RABGEF1: variants seen among roughly 807,000 people sequenced by gnomAD.
RABGEF1 encodes rab5 GDP/GTP exchange factor.
Under a neutral mutation model 57.3 loss-of-function variants are expected in RABGEF1, and 26 were observed. The observed-to-expected ratio is 0.45, with a 90% confidence interval of 0.33 to 0.63. The LOEUF is 0.63. Among genes scored for constraint, RABGEF1 ranks in the 20% least tolerant of loss-of-function variants. RABGEF1 has a pLI of 0.02. For synonymous variants in RABGEF1, 185 were observed against 210.7 expected (o/e 0.88, Z 1.06); for missense variants, 464 against 607.6 (o/e 0.76, Z 2.48).
intron 2 of RABGEF1, among the ~76,000 whole-genome samples, chr7:66,713,375 G>A (rs543788311): frequency 6.6e-6 from 1 of 151,748 alleles, no homozygotes; most frequent in South Asian, 2.1e-4. Context: ...TGATCGGCCC[G>A]CCTTGGCCCT....
At chr7:66,716,065 A>G (rs1302483650) in intron 2 of RABGEF1, among the ~76,000 whole-genome samples, 3 of 151,926 alleles carry the variant, frequency 2.0e-5, no homozygotes, top group East Asian at 1.9e-4. Context: ...GAGTTTGTCT[A>G]TTTCTCCTCA....
intron 1 of RABGEF1, among the ~76,000 whole-genome samples, chr7:66,757,881 G>C (rs941563948): frequency 6.6e-6 from 1 of 152,198 alleles, no homozygotes; most frequent in East Asian, 1.9e-4. Flanking sequence ...AAAGTGCTGG[G>C]ATTACAGGCG....
At chr7:66,714,382 C>G (rs954462048) in intron 2 of RABGEF1, among the ~76,000 whole-genome samples, 3 of 152,170 alleles carry the variant, frequency 2.0e-5, no homozygotes, top group African/African-American at 7.2e-5. Context: ...TATTATCCTT[C>G]TAACATTTGT....
intron 1 of RABGEF1, among the ~76,000 whole-genome samples, chr7:66,741,244 C>T (rs1483351543): frequency 2.0e-5 from 3 of 152,198 alleles, no homozygotes; most frequent in Non-Finnish European, 4.4e-5. Context: ...CGGACCCAGA[C>T]CACAGCCCCC....
chr7:66,671,613 G>A, the RABGEF1 span, among the ~76,000 whole-genome samples: 346 of 152,234 alleles, frequency 2.3e-3, no homozygotes, highest in Admixed American at 3.4e-3. Flanking sequence ...AAAAACCTCT[G>A]TTGTTCCTGT....
intron 1 of RABGEF1, among the ~76,000 whole-genome samples, chr7:66,707,037 G>A (rs62466142): frequency 0.037 from 5,571 of 151,676 alleles, 158 homozygotes; most frequent in East Asian, 0.084. Context: ...CACCCGCCTC[G>A]GCCTCCCAAA....
intron 1 of RABGEF1, among the ~76,000 whole-genome samples, chr7:66,751,271 T>G (rs745950257): frequency 2.4e-4 from 36 of 152,256 alleles, no homozygotes; most frequent in Non-Finnish European, 4.0e-4. Flanking sequence ...CCTCAGGTGA[T>G]CCGCCTGCCT....
At chr7:66,736,913 T>C (rs1177108664), upstream of RABGEF1, among the ~76,000 whole-genome samples, 2 of 152,178 alleles carry the variant, frequency 1.3e-5, no homozygotes, top group East Asian at 1.9e-4. Flanking sequence ...TATACACACA[T>C]GCACAGACAC....
upstream of RABGEF1, among the ~76,000 whole-genome samples, chr7:66,680,508 T>G (rs2116995389): frequency 6.6e-6 from 1 of 152,244 alleles, no homozygotes; most frequent in African/African-American, 2.4e-5. Flanking sequence ...CCTCCCAAAG[T>G]GCTGGGATTA....
At chr7:66,806,059 T>G (rs1788377642) in intron 8 of RABGEF1, among the ~76,000 whole-genome samples, 1 of 152,108 alleles carries the variant, frequency 6.6e-6, no homozygotes, top group Non-Finnish European at 1.5e-5. Context: ...TTCTTCCTTT[T>G]TCTTCCTACT....
chr7:66,660,354 A>C, the RABGEF1 span, among the ~76,000 whole-genome samples: 1 of 152,012 alleles, frequency 6.6e-6, no homozygotes. Flanking sequence ...TCTCAAAAAA[A>C]AAAAAAAGAA....
intron 2 of RABGEF1, among the ~76,000 whole-genome samples, chr7:66,713,886 T>C (rs1795059892): frequency 6.6e-6 from 1 of 152,232 alleles, no homozygotes; most frequent in African/African-American, 2.4e-5. Context: ...TGATTTCAGA[T>C]ATTGAACCAG....
In RABGEF1 at chr7:66,783,675, A is replaced by C. The variant is rs757585407; in HGVS notation, c.347A>C (p.Glu116Ala). The change falls in exon 4 of 9, where the codon GAA becomes GCA. Residue 116 changes from glutamate to alanine, a missense_variant and splice_region_variant. Around this residue, in one of 4 missense-constraint regions of RABGEF1, gnomAD observed 284 missense variants for 389.9 expected, o/e 0.73. Coordinates refer to ENST00000284957, the MANE Select transcript of RABGEF1 (RefSeq NM_014504.3). ...TTACTATGTTTAATTTTCCCAGCAG[A>C]AATTCAGGAAGCAAAAGCTCCCAGT... ...SASSRVGSKK[E>A]IQEAKAPSPS... 3.1e-6 allele frequency: 5 copies of C among 1,595,518 alleles called. No individual in the cohort carries two copies. The highest frequency in any genetic ancestry group is 4.3e-6 in the Non-Finnish European group (5 of 1,171,034).
chr7:66,708,650 A>G (rs1418549679), intron 1 of RABGEF1, among the ~76,000 whole-genome samples: 1 of 152,174 alleles, frequency 6.6e-6, no homozygotes, highest in African/African-American at 2.4e-5. Context: ...CAAAAATAAA[A>G]TAATTTTAAA....
intron 8 of RABGEF1, among the ~76,000 whole-genome samples, chr7:66,805,713 A>C (rs1344772491): frequency 6.6e-6 from 1 of 152,142 alleles, no homozygotes; most frequent in African/African-American, 2.4e-5. Flanking sequence ...ATTATGTATA[A>C]GTTAATAAGG....
chr7:66,673,361 C>A, the RABGEF1 span, among the ~76,000 whole-genome samples: 1 of 151,974 alleles, frequency 6.6e-6, no homozygotes, highest in Non-Finnish European at 1.5e-5. Flanking sequence ...TAGCTTGCTG[C>A]ACTCTGGTCT....
At chr7:66,686,914 C>T (rs1350768630) in intron 1 of RABGEF1, among the ~76,000 whole-genome samples, 3 of 151,682 alleles carry the variant, frequency 2.0e-5, no homozygotes, top group Non-Finnish European at 2.9e-5. Flanking sequence ...CTCCGCCTCC[C>T]GGGTTCAAGC....
At chr7:66,660,067 GCT>G in the RABGEF1 span, among the ~76,000 whole-genome samples, 3 of 152,130 alleles carry the variant, frequency 2.0e-5, no homozygotes, top group Middle Eastern at 3.4e-3. Context: ...AGGGCATTAA[GCT>G]GGGCACAGTG....
intron 1 of RABGEF1, among the ~76,000 whole-genome samples, chr7:66,762,699 G>A (rs539922223): frequency 3.9e-5 from 6 of 152,078 alleles, no homozygotes; most frequent in South Asian, 2.1e-4. Flanking sequence ...GTAAGAACAC[G>A]CCTCTACCCT....
Sources: allele counts gnomAD v4.1 joint callset (sites outside exome capture counted in the v4.1 genomes callset), GRCh38; gene constraint gnomAD v4.1.1; regional missense constraint gnomAD v4.1.1; transcripts MANE v1.5; gene names NCBI Gene and HGNC (gene_info 2026-07-23, HGNC 2026-07-21).